Variants in SCAMP4 observed in about 807,000 individuals in gnomAD.
SCAMP4 encodes the protein secretory carrier-associated membrane protein 4.
Under a neutral mutation model 32.1 loss-of-function variants are expected in SCAMP4, and 19 were observed. The ratio of observed to expected loss-of-function variants is 0.59; its 90% confidence interval spans 0.41 to 0.87. The LOEUF (loss-of-function observed/expected upper bound fraction) is 0.87, where lower values mean the gene tolerates loss of function less well. Among genes scored for constraint, SCAMP4 ranks in the 40% least tolerant of loss-of-function variants. The pLI is 0.00. For synonymous variants in SCAMP4, 152 were observed against 132.7 expected (o/e 1.15, Z -1.00); for missense variants, 302 against 309.0 (o/e 0.98, Z 0.17).
At position 1,914,990 on chromosome 19, in the gene SCAMP4, C is replaced by T. The variant is rs1446097443; in HGVS notation, c.-30C>T. 1 of 1,613,760 alleles carries T rather than the reference C, an allele frequency of 6.2e-7. No homozygotes were observed. Among genetic ancestry groups the T allele is most frequent in the African/African-American group, 1.3e-5 (1 of 74,930 alleles). On this transcript the variant is annotated 5_prime_UTR_variant, in exon 2 of 7. Transcript: ENST00000316097. The stretch of plus-strand genomic sequence containing the variant: ...TGTCTTCCTTCCAGGCGGCTGCAGG[C>T]TTCAGCCTGCGCTGGTTGGTGAAAC...
chr19:1,910,633 G>A (rs2013393996), intron 1 of SCAMP4, among the ~76,000 whole-genome samples: 1 of 145,630 alleles, frequency 6.9e-6, no homozygotes, highest in Non-Finnish European at 1.5e-5. Flanking sequence ...CTGGAGTGCA[G>A]TGGCACGATC....
intron 1 of SCAMP4, chr19:1,913,325 C>T (rs757405470): frequency 1.1e-5 from 11 of 1,010,214 alleles, no homozygotes; most frequent in African/African-American, 5.0e-5. Flanking sequence ...TTCCTGGACT[C>T]GGTCATTGGG....
At chr19:1,923,306 G>A in intron 6 of SCAMP4, 119 bp downstream of exon 6, 2 of 821,436 alleles carry the variant, frequency 2.4e-6, no homozygotes, top group South Asian at 1.9e-5. Context: ...TGTCACGCAG[G>A]CCGCACTTCA....
chr19:1,922,318 G>A (rs1333254746), intron 5 of SCAMP4: 16 of 945,198 alleles, frequency 1.7e-5, no homozygotes, highest in Non-Finnish European at 1.9e-5. Flanking sequence ...GGAGAGCAAC[G>A]GCACGATCTC....
chr19:1,909,135 G>A (rs1314293645), intron 1 of SCAMP4, among the ~76,000 whole-genome samples: 1 of 152,046 alleles, frequency 6.6e-6, no homozygotes, highest in Non-Finnish European at 1.5e-5. Flanking sequence ...TGGGCATGGT[G>A]GCTTACGCCT....
intron 1 of SCAMP4, 98 bp downstream of exon 1, chr19:1,905,537 C>G: frequency 3.0e-6 from 1 of 334,278 alleles, no homozygotes; most frequent in Non-Finnish European, 6.6e-6. Flanking sequence ...TGAGGGGCGC[C>G]GGCCGTTTGT....
Position 1,924,200 on chromosome 19 carries a change from G to A in SCAMP4, c.606G>A (p.Glu202=). The A allele has an allele frequency of 2.5e-6, 4 of 1,610,084 alleles. No individual in the cohort carries two copies. The highest frequency in any genetic ancestry group is 3.4e-6 in the Non-Finnish European group (4 of 1,178,210). ...TGTWRNPPSR[E]AQYNNFSGNS... Reference sequence around the variant, plus strand: ...CTTGGCGGAACCCACCGTCGAGGGAGGCCCAGTACAACAACTTCTCAGGCA... The same window carrying A: ...CTTGGCGGAACCCACCGTCGAGGGAAGCCCAGTACAACAACTTCTCAGGCA... The change falls in exon 7 of 7, where the codon GAG becomes GAA. Residue 202 remains glutamate (E), a synonymous_variant. Coordinates refer to ENST00000316097, the MANE Select transcript of SCAMP4 (RefSeq NM_079834.4).
At chr19:1,912,889 T>C (rs2013558122) in intron 1 of SCAMP4, 1 of 1,606,758 alleles carries the variant, frequency 6.2e-7, no homozygotes, top group Non-Finnish European at 8.5e-7. Context: ...GCAGGCGCCG[T>C]GCGTAAACTG....
intron 5 of SCAMP4, chr19:1,920,261 C>T (rs774774985): frequency 1.1e-5 from 11 of 985,338 alleles, no homozygotes; most frequent in African/African-American, 3.5e-5. Context: ...CTCACGGAGC[C>T]GTGGGTGCCT....
At chr19:1,922,650 A>C in intron 5 of SCAMP4, 9 of 986,956 alleles carry the variant, frequency 9.1e-6, no homozygotes, top group Non-Finnish European at 1.1e-5. Context: ...CATTAGACAC[A>C]GTTGCCGTAG....
At chr19:1,919,142 C>T (rs956134672) in intron 5 of SCAMP4, 152 bp downstream of exon 5, 109 of 1,452,556 alleles carry the variant, frequency 7.5e-5, no homozygotes, top group Non-Finnish European at 8.9e-5. Flanking sequence ...TGGCAGCGCC[C>T]GCGTCCTCGC....
Position 1,912,957 on chromosome 19 carries a change from C to T in SCAMP4, c.-41-2022C>T, listed in dbSNP as rs368586557. Reference sequence around the variant, plus strand: ...CACTGGCTACGACCTGTACGTGACCCGCGAGCCCTGCGCCATGTGCGCCAT... The same window carrying T: ...CACTGGCTACGACCTGTACGTGACCTGCGAGCCCTGCGCCATGTGCGCCAT... On this transcript the variant is annotated intron_variant, in intron 1 of 6. Transcript: ENST00000316097. 1.1e-5 allele frequency: 17 copies of T among 1,610,328 alleles called. No homozygotes were observed. In the East Asian group the frequency reaches 1.8e-4, roughly 17 times the overall value.
intron 2 of SCAMP4, 94 bp from the exon 3 acceptor site, chr19:1,917,600 T>A: frequency 6.9e-7 from 1 of 1,455,374 alleles, no homozygotes; most frequent in Non-Finnish European, 9.5e-7. Context: ...CCTTCTGCCA[T>A]GAGAGGCAAC....
At chr19:1,907,415 G>A (rs148317460) in intron 1 of SCAMP4, among the ~76,000 whole-genome samples, 5 of 151,748 alleles carry the variant, frequency 3.3e-5, no homozygotes, top group African/African-American at 1.2e-4. Context: ...AGGTAGAGCA[G>A]GAATTCCCAT....
At chr19:1,911,035 C>T (rs998693891) in intron 1 of SCAMP4, among the ~76,000 whole-genome samples, 1 of 152,142 alleles carries the variant, frequency 6.6e-6, no homozygotes, top group African/African-American at 2.4e-5. Flanking sequence ...GCCACCAGGC[C>T]TGGCCAATTC....
At position 1,912,083 on chromosome 19, in the gene SCAMP4, G is replaced by A. The variant is rs546800224; in HGVS notation, c.-41-2896G>A. Reference sequence around the variant, plus strand: ...GCTCCCGTCTCTGTCTCCCACAGTCGGCCTCGCTGAGGATGGAGCCCGCCC... The same window carrying A: ...GCTCCCGTCTCTGTCTCCCACAGTCAGCCTCGCTGAGGATGGAGCCCGCCC... On this transcript the variant is annotated intron_variant, in intron 1 of 6. Coordinates refer to ENST00000316097, the MANE Select transcript of SCAMP4 (RefSeq NM_079834.4). The A allele has an allele frequency of 2.9e-5, 42 of 1,459,360 alleles. No individual in the cohort carries two copies. Among genetic ancestry groups the A allele is most frequent in the Non-Finnish European group, 3.6e-5 (40 of 1,110,420 alleles). 90.4% of individuals were successfully genotyped at this position (1,459,360 alleles called of 1,614,324 possible).
chr19:1,923,149 T>C lies in SCAMP4; in HGVS notation c.475T>C (p.Ser159Pro). Residue 159 changes from serine (S) to proline (P), a missense_variant, in exon 6 of 7, where the codon TCC (serine) becomes CCC (proline). Transcript: ENST00000316097. ...CATGCTGCTTCCAGCCATCATGTTC[T>C]CCGTGTCGGCTGCCATGATGGCCAT... ...VVMLLPAIMF[S>P]VSAAMMAIAI... The C allele has an allele frequency of 6.4e-7, 1 of 1,552,088 alleles. No individual in the cohort carries two copies. The highest frequency in any genetic ancestry group is 1.4e-5 in the African/African-American group (1 of 73,210).
chr19:1,913,181 C>A (rs895121093), intron 1 of SCAMP4: 11 of 1,479,220 alleles, frequency 7.4e-6, no homozygotes, highest in Admixed American at 2.3e-5. Flanking sequence ...GGACCCTTCC[C>A]GCTCCCGGCC....
Position 1,917,673 on chromosome 19 carries a change from G to A in SCAMP4, c.8-21G>A, listed in dbSNP as rs768870108. 3.4e-5 allele frequency: 55 copies of A among 1,613,642 alleles called. No individual in the cohort carries two copies. The South Asian group carries it at 3.8e-4, about 11-fold the overall frequency. Reference sequence around the variant, plus strand: ...CAAGAGACAAAGTCTGGTTCTGTCCGTGGGTTCTCTGTCCCTACAGAAAAG... The same window carrying A: ...CAAGAGACAAAGTCTGGTTCTGTCCATGGGTTCTCTGTCCCTACAGAAAAG... On this transcript the variant is annotated intron_variant, in intron 2 of 6. Transcript: ENST00000316097.
Sources: gnomAD v4.1 joint callset for allele counts (sites outside exome capture counted in the v4.1 genomes callset) on GRCh38, gnomAD v4.1.1 for gene constraint, MANE v1.5 for transcripts, NCBI Gene and HGNC (gene_info 2026-07-23, HGNC 2026-07-21) for gene names.